NLGN1: variants seen among roughly 807,000 people sequenced by gnomAD.
NLGN1 encodes the protein neuroligin-1.
A neutral mutation model predicts 65.5 loss-of-function variants in NLGN1; 12 were observed. The observed-to-expected ratio is 0.18, with a 90% CI of 0.12 to 0.30. The LOEUF (loss-of-function observed/expected upper bound fraction) is 0.30, where lower values mean the gene tolerates loss of function less well. NLGN1 is among the 10% of genes least tolerant of loss of function. The probability of loss-of-function intolerance (pLI) is 1.00; values close to 1 mark genes in which losing one functional copy is unlikely to be tolerated. For missense variants in NLGN1, 750 were observed against 1,007.1 expected (o/e 0.74, Z 3.46); for synonymous variants, 350 against 359.5 (o/e 0.97, Z 0.30).
At chr3:173,398,783 C>G (rs1355506496) in intron 1 of NLGN1, among the ~76,000 whole-genome samples, 1 of 152,154 alleles carries the variant, frequency 6.6e-6, no homozygotes, top group East Asian at 1.9e-4. Context: ...TTAATATACT[C>G]ATTTTCCCTC....
intron 2 of NLGN1, among the ~76,000 whole-genome samples, chr3:173,537,373 C>T (rs746208462): frequency 3.3e-5 from 5 of 151,992 alleles, no homozygotes; most frequent in South Asian, 2.1e-4. Flanking sequence ...GTAAAGTCCT[C>T]GAGTAATGTT....
chr3:173,760,397 A>T (rs1241017360), intron 3 of NLGN1, among the ~76,000 whole-genome samples: 2 of 151,900 alleles, frequency 1.3e-5, no homozygotes, highest in Admixed American at 6.6e-5. Flanking sequence ...AATAAATATT[A>T]TGAGAATCAT....
chr3:173,469,229 A>AT (rs1275462088), intron 2 of NLGN1, among the ~76,000 whole-genome samples: 1 of 152,024 alleles, frequency 6.6e-6, no homozygotes, highest in African/African-American at 2.4e-5. Context: ...TGAATAATTT[A>AT]TTTTTTATTA....
At chr3:173,491,642 G>C (rs1350148228) in intron 2 of NLGN1, among the ~76,000 whole-genome samples, 1 of 151,464 alleles carries the variant, frequency 6.6e-6, no homozygotes, top group East Asian at 1.9e-4. Flanking sequence ...ATTTTTCTGG[G>C]TTTCATGTCT....
chr3:173,790,932 A>G (rs2861602), intron 3 of NLGN1, among the ~76,000 whole-genome samples: 104,311 of 152,052 alleles, frequency 0.69, 36,552 homozygotes, highest in Non-Finnish European at 0.76. Context: ...ACCTGTATAT[A>G]TCTGTCTCTA....
chr3:173,528,921 T>G (rs1252610649), intron 2 of NLGN1, among the ~76,000 whole-genome samples: 43 of 152,278 alleles, frequency 2.8e-4, no homozygotes, highest in Non-Finnish European at 1.5e-5. Flanking sequence ...ATACTTTGAA[T>G]TTTTATGTAA....
chr3:174,213,188 C>T (rs923480294), intron 4 of NLGN1, among the ~76,000 whole-genome samples: 1 of 152,132 alleles, frequency 6.6e-6, no homozygotes, highest in Middle Eastern at 3.2e-3. Context: ...CTATGTTTCC[C>T]TCTTTCAAAA....
At chr3:173,550,957 C>T (rs906425141) in intron 2 of NLGN1, among the ~76,000 whole-genome samples, 1 of 152,030 alleles carries the variant, frequency 6.6e-6, no homozygotes, top group Non-Finnish European at 1.5e-5. Context: ...GATTTTTCTC[C>T]CTATACACAT....
chr3:174,082,959 T>A (rs1000824574), intron 4 of NLGN1, among the ~76,000 whole-genome samples: 2 of 152,194 alleles, frequency 1.3e-5, no homozygotes, highest in Non-Finnish European at 2.9e-5. Context: ...ACTCCTGACC[T>A]CAGGTGATCC....
intron 4 of NLGN1, among the ~76,000 whole-genome samples, chr3:173,834,186 C>T (rs1420021814): frequency 6.6e-6 from 1 of 152,138 alleles, no homozygotes; most frequent in Non-Finnish European, 1.5e-5. Flanking sequence ...TATAGTCACA[C>T]TCTTATATTC....
chr3:173,720,367 G>A (rs190038236), intron 3 of NLGN1, among the ~76,000 whole-genome samples: 133 of 152,190 alleles, frequency 8.7e-4, no homozygotes, highest in African/African-American at 2.6e-3. Context: ...TCAAGTGACC[G>A]GAAGGTCAGT....
chr3:173,776,130 T>TTA (rs1477017149), intron 3 of NLGN1, among the ~76,000 whole-genome samples: 2 of 152,108 alleles, frequency 1.3e-5, no homozygotes, highest in Non-Finnish European at 2.9e-5. Context: ...AAAGTTTTCT[T>TTA]TTCCTGGCTA....
At chr3:174,072,236 T>A (rs544545862) in intron 4 of NLGN1, among the ~76,000 whole-genome samples, 1 of 152,138 alleles carries the variant, frequency 6.6e-6, no homozygotes, top group Non-Finnish European at 1.5e-5. Context: ...AATTCATGGG[T>A]TTGCCTAAAA....
intron 2 of NLGN1, among the ~76,000 whole-genome samples, chr3:173,541,439 G>T (rs1469370884): frequency 6.6e-6 from 1 of 152,060 alleles, no homozygotes; most frequent in African/African-American, 2.4e-5. Context: ...AAGAGAGAGG[G>T]TAGGAACATT....
At chr3:174,225,068 A>G (rs1046254495) in intron 4 of NLGN1, among the ~76,000 whole-genome samples, 1 of 152,210 alleles carries the variant, frequency 6.6e-6, no homozygotes, top group Admixed American at 6.5e-5. Context: ...AAATACAAGT[A>G]TCTTAAATAT....
rs559304413 is a variant in NLGN1, at chr3:174,005,994, T to C, written c.646+198162T>C. On this transcript the variant is annotated intron_variant, in intron 4 of 6. Transcript: ENST00000457714. Reference sequence around the variant, plus strand: ...TGTACTGTACTTCTCTCTACTACTATACGGTCAAACTGCCCTCTCCTGCCT... The same window carrying C: ...TGTACTGTACTTCTCTCTACTACTACACGGTCAAACTGCCCTCTCCTGCCT... 1.8e-4 allele frequency among the ~76,000 whole-genome samples: 27 copies of C among 152,286 alleles called. No homozygotes were observed. The South Asian group carries it at 4.6e-3, about 26-fold the overall frequency.
At chr3:173,853,759 A>G (rs952841516) in intron 4 of NLGN1, among the ~76,000 whole-genome samples, 4 of 152,068 alleles carry the variant, frequency 2.6e-5, no homozygotes, top group Non-Finnish European at 5.9e-5. Flanking sequence ...CATTTTCTGC[A>G]GATTTTGCTC....
chr3:174,077,188 GA>G (rs536006220), intron 4 of NLGN1, among the ~76,000 whole-genome samples: 101 of 144,382 alleles, frequency 7.0e-4, no homozygotes, highest in South Asian at 3.7e-3. Context: ...TTCTTTCCAG[GA>G]AAAAAAAAAA....
chr3:173,685,423 G>T (rs547125316), intron 3 of NLGN1, among the ~76,000 whole-genome samples: 5 of 152,240 alleles, frequency 3.3e-5, no homozygotes, highest in African/African-American at 1.2e-4. Context: ...TCAATAATTT[G>T]AACTGTCCTA....
Sources: gnomAD v4.1 joint callset for allele counts (sites outside exome capture counted in the v4.1 genomes callset) on GRCh38, gnomAD v4.1.1 for gene constraint, MANE v1.5 for transcripts, NCBI Gene and HGNC (gene_info 2026-07-23, HGNC 2026-07-21) for gene names.